The following TGFBR3 variants were observed in gnomAD, a reference collection of about 807,000 sequenced individuals.
The protein encoded by TGFBR3 is transforming growth factor beta receptor 3.
In TGFBR3, 46 loss-of-function variants were observed where a neutral mutation model predicts 87.9. The ratio of observed to expected loss-of-function variants is 0.52; its 90% confidence interval spans 0.41 to 0.67. The LOEUF (loss-of-function observed/expected upper bound fraction) is 0.67, where lower values mean the gene tolerates loss of function less well. TGFBR3 is among the 30% of genes least tolerant of loss of function. The probability of loss-of-function intolerance (pLI) is 0.00; values close to 1 mark genes in which losing one functional copy is unlikely to be tolerated. For synonymous variants in TGFBR3, 381 were observed against 391.6 expected (o/e 0.97, Z 0.32); for missense variants, 866 against 1,041.9 (o/e 0.83, Z 2.32).
chr1:91,823,345 T>C (rs927774203), intron 2 of TGFBR3, among the ~76,000 whole-genome samples: 3 of 152,204 alleles, frequency 2.0e-5, no homozygotes, highest in African/African-American at 7.2e-5. Flanking sequence ...TAAAGTTACA[T>C]ACAACTCAGC....
chr1:91,820,519 T>TA (rs1032937147), intron 2 of TGFBR3, among the ~76,000 whole-genome samples: 3 of 152,020 alleles, frequency 2.0e-5, no homozygotes, highest in Non-Finnish European at 4.4e-5. Context: ...CCGTCTGTAC[T>TA]AAAAAAATAC....
intron 4 of TGFBR3, among the ~76,000 whole-genome samples, chr1:91,754,760 T>G (rs1207050247): frequency 6.6e-6 from 1 of 152,218 alleles, no homozygotes; most frequent in Admixed American, 6.5e-5. Flanking sequence ...AAGGCCCTCC[T>G]AACTAATTAT....
intron 3 of TGFBR3, among the ~76,000 whole-genome samples, chr1:91,792,413 C>T (rs970345499): frequency 1.3e-5 from 2 of 152,168 alleles, no homozygotes; most frequent in African/African-American, 2.4e-5. Flanking sequence ...GGCACTGGCA[C>T]GCCCATTGCT....
Position 91,714,879 on chromosome 1 carries a change from GA to G in TGFBR3, c.1866+1356del, listed in dbSNP as rs1258911805. On this transcript the variant is annotated intron_variant, in intron 12 of 16. Transcript: ENST00000212355. ...GAAAGAAGGTGTGCTCAAAGAAAGA[GA>G]ACTCTCAGAATGGGGGAGGGGCAGA... Among the ~76,000 whole-genome samples, 6 of 152,346 alleles carry G rather than the reference GA, an allele frequency of 3.9e-5. No homozygotes were observed. The East Asian group carries it at 1.2e-3, about 29-fold the overall frequency.
chr1:91,710,522 C>G (rs974292970), intron 13 of TGFBR3, among the ~76,000 whole-genome samples: 1 of 152,194 alleles, frequency 6.6e-6, no homozygotes, highest in Non-Finnish European at 1.5e-5. Flanking sequence ...CAGGGTTGGT[C>G]TCAACAATCT....
chr1:91,771,818 A>T (rs1196277452), intron 3 of TGFBR3, among the ~76,000 whole-genome samples: 1 of 152,108 alleles, frequency 6.6e-6, no homozygotes, highest in Non-Finnish European at 1.5e-5. Flanking sequence ...TAAGTAATGA[A>T]AGGACTTCAA....
intron 2 of TGFBR3, among the ~76,000 whole-genome samples, chr1:91,800,238 AAAAATAT>A (rs1420373113): frequency 7.9e-6 from 1 of 126,652 alleles, no homozygotes; most frequent in African/African-American, 3.2e-5. Flanking sequence ...CAAAAAAAAA[AAAAATAT>A]ATATATATAT....
intron 4 of TGFBR3, among the ~76,000 whole-genome samples, chr1:91,756,665 G>C (rs375872294): frequency 2.6e-5 from 4 of 152,110 alleles, no homozygotes; most frequent in African/African-American, 9.7e-5. Context: ...AATAAGAGTT[G>C]CAATTCCCAG....
chr1:91,837,680 G>A (rs1264572897), intron 2 of TGFBR3, among the ~76,000 whole-genome samples: 1 of 152,140 alleles, frequency 6.6e-6, no homozygotes, highest in Admixed American at 6.5e-5. Context: ...ATATACATTA[G>A]AGCAGAAAAA....
intron 2 of TGFBR3, among the ~76,000 whole-genome samples, chr1:91,855,024 A>ATT (rs1677884520): frequency 6.6e-6 from 1 of 152,206 alleles, no homozygotes; most frequent in Admixed American, 6.5e-5. Context: ...AGCTTGTACC[A>ATT]TTCCAGACCA....
intron 3 of TGFBR3, among the ~76,000 whole-genome samples, chr1:91,785,219 C>T (rs1180948312): frequency 6.6e-6 from 1 of 152,214 alleles, no homozygotes; most frequent in Non-Finnish European, 1.5e-5. Context: ...GTGAAAGAAG[C>T]TAGACACAAA....
chr1:91,860,284 C>T (rs1678130481), intron 2 of TGFBR3, among the ~76,000 whole-genome samples: 1 of 152,116 alleles, frequency 6.6e-6, no homozygotes, highest in African/African-American at 2.4e-5. Context: ...TTGTTTAGCC[C>T]AGTGCCTGGA....
Position 91,683,755 on chromosome 1 carries a change from C to A in TGFBR3, c.2540G>T (p.Ser847Ile). ...IGSTQSTPCS[S>I]SSTA ...TGGGTTGGGCTAGGCCGTGCTGCTG[C>A]TGGAGCAAGGCGTGCTCTGCGTGCT... The change falls in exon 17 of 17, where the codon AGC becomes ATC. Residue 847 changes from serine to isoleucine, a missense_variant. By Grantham distance (142) the Ser-to-Ile change is moderately radical (BLOSUM62 -2). Coordinates refer to ENST00000212355, the MANE Select transcript of TGFBR3 (RefSeq NM_003243.5). 2 of 1,585,674 alleles carry A rather than the reference C, an allele frequency of 1.3e-6. No homozygotes were observed. Among genetic ancestry groups the A allele is most frequent in the Non-Finnish European group, 1.7e-6 (2 of 1,169,754 alleles).
chr1:91,758,254 G>T (rs1312369076), intron 4 of TGFBR3, among the ~76,000 whole-genome samples: 2 of 151,998 alleles, frequency 1.3e-5, no homozygotes, highest in African/African-American at 4.8e-5. Flanking sequence ...TCATTTTGTG[G>T]TCAGGGACCA....
At chr1:91,726,112 G>A (rs961267745) in intron 7 of TGFBR3, among the ~76,000 whole-genome samples, 2 of 152,142 alleles carry the variant, frequency 1.3e-5, no homozygotes, top group African/African-American at 4.8e-5. Flanking sequence ...GCACTGGGAT[G>A]AGCAATCTCA....
Position 91,716,717 on chromosome 1 carries a change from C to T in TGFBR3, c.1567-9G>A, listed in dbSNP as rs568438219. 2.0e-5 allele frequency: 33 copies of T among 1,614,006 alleles called. No individual in the cohort carries two copies. In the South Asian group the frequency reaches 3.2e-4, roughly 16 times the overall value. On this transcript the variant is annotated splice_polypyrimidine_tract_variant and intron_variant, in intron 10 of 16. Transcript: ENST00000212355. ...GGAACCTGTATCACAATCTAAAAGG[C>T]AAAGAAAGCACAGCCAATGTTATAA...
intron 2 of TGFBR3, among the ~76,000 whole-genome samples, chr1:91,803,921 G>A (rs1675738163): frequency 6.6e-6 from 1 of 152,112 alleles, no homozygotes; most frequent in Non-Finnish European, 1.5e-5. Flanking sequence ...TGCAATTATT[G>A]GTTTCACATC....
intron 2 of TGFBR3, among the ~76,000 whole-genome samples, chr1:91,853,454 T>C (rs562603691): frequency 1.8e-4 from 27 of 152,124 alleles, no homozygotes; most frequent in South Asian, 4.2e-4. Flanking sequence ...AGACAGGAGA[T>C]AACTATGGCA....
intron 2 of TGFBR3, among the ~76,000 whole-genome samples, chr1:91,843,607 G>A (rs1677370908): frequency 6.6e-6 from 1 of 152,126 alleles, no homozygotes; most frequent in Non-Finnish European, 1.5e-5. Context: ...TGATCCTCTG[G>A]TTTATATGCA....
Sources: allele counts gnomAD v4.1 joint callset (sites outside exome capture counted in the v4.1 genomes callset), GRCh38; gene constraint gnomAD v4.1.1; transcripts MANE v1.5; gene names NCBI Gene and HGNC (gene_info 2026-07-23, HGNC 2026-07-21).